The following CEP152 variants were observed in gnomAD, a reference collection of about 807,000 sequenced individuals.
CEP152 encodes the protein centrosomal protein of 152 kDa.
In CEP152, 132 loss-of-function variants were observed where a neutral mutation model predicts 188.9. That is an observed-to-expected ratio of 0.70 (90% CI 0.61 to 0.81). The LOEUF (loss-of-function observed/expected upper bound fraction) is 0.81, where lower values mean the gene tolerates loss of function less well. Ranked by LOEUF, CEP152 falls within the 30% of genes least tolerant of loss-of-function variation. The pLI is 0.00. For missense variants in CEP152, 1,914 were observed against 1,969.8 expected (o/e 0.97, Z 0.54); for synonymous variants, 649 against 666.6 (o/e 0.97, Z 0.41).
Position 48,791,243 on chromosome 15 carries a change from T to C in CEP152, c.966A>G (p.Glu322=). The C allele has an allele frequency of 6.2e-7, 1 of 1,611,608 alleles. No homozygotes were observed. Among genetic ancestry groups the C allele is most frequent in the Non-Finnish European group, 8.5e-7 (1 of 1,179,554 alleles). ...ETQIQALKVN[E]EQMIKKSRTT... ...CATAAGTTAAAATAGGTACCTGTTC[T>C]TCATTGACTTTTAATGCTTGTATCT... The change falls in exon 8 of 27, where the codon GAA becomes GAG. Residue 322 remains glutamate, a synonymous_variant. Coordinates refer to ENST00000380950, the MANE Select transcript of CEP152 (RefSeq NM_001194998.2).
At chr15:48,792,755 A>C (rs1344381241) in intron 7 of CEP152, among the ~76,000 whole-genome samples, 1 of 152,144 alleles carries the variant, frequency 6.6e-6, no homozygotes, top group African/African-American at 2.4e-5. Flanking sequence ...CAGTTAAATA[A>C]TGTTCAATGA....
At chr15:48,790,254 G>A (rs1309838469) in intron 8 of CEP152, among the ~76,000 whole-genome samples, 1 of 152,144 alleles carries the variant, frequency 6.6e-6, no homozygotes, top group Non-Finnish European at 1.5e-5. Context: ...TGACCAAACA[G>A]AAAAGGTCTA....
In CEP152 at chr15:48,762,459, T is replaced by C; in HGVS notation, c.2494A>G (p.Ile832Val). The C allele has an allele frequency of 1.9e-6, 3 of 1,613,956 alleles. No homozygotes were observed. The highest frequency in any genetic ancestry group is 2.5e-6 in the Non-Finnish European group (3 of 1,179,832). ...TCGAGTTTCTTCATAGCCCCCTTGATGGCTATGTCCTTCTCTTGTTCTAAG... is the reference window on the plus strand; with the variant it reads ...TCGAGTTTCTTCATAGCCCCCTTGACGGCTATGTCCTTCTCTTGTTCTAAG... ...QNLEQEKDIAIKGAMKKLEIE... is the reference protein window; with the variant it reads ...QNLEQEKDIAVKGAMKKLEIE... Residue 832 changes from isoleucine (I) to valine (V), a missense_variant, in exon 18 of 27, where the codon ATC becomes GTC. Coordinates refer to ENST00000380950, the MANE Select transcript of CEP152 (RefSeq NM_001194998.2).
At position 48,788,784 on chromosome 15, in the gene CEP152, T is replaced by C; in HGVS notation, c.1173+17A>G. 6.2e-7 allele frequency: 1 copy of C among 1,611,358 alleles called. No individual in the cohort carries two copies. Among genetic ancestry groups the C allele is most frequent in the Non-Finnish European group, 8.5e-7 (1 of 1,177,428 alleles). ...TTTACTTGTTGATAACAGTTGCTCA[T>C]TTGAAATCATCCCAACCTGTTCTTT... is the stretch of plus-strand genomic sequence containing the variant. On this transcript the variant is annotated intron_variant, in intron 9 of 26. Coordinates refer to ENST00000380950, the MANE Select transcript of CEP152 (RefSeq NM_001194998.2).
At chr15:48,804,349 A>G (rs1233250303) in intron 2 of CEP152, among the ~76,000 whole-genome samples, 1 of 152,212 alleles carries the variant, frequency 6.6e-6, no homozygotes, top group Non-Finnish European at 1.5e-5. Context: ...GTTTTCTATC[A>G]CTGCCTTAAT....
intron 2 of CEP152, among the ~76,000 whole-genome samples, chr15:48,804,124 C>T (rs1897835730): frequency 6.6e-6 from 1 of 152,218 alleles, no homozygotes. Context: ...GGGACTGTGG[C>T]CAGCTGGGGA....
intron 8 of CEP152, among the ~76,000 whole-genome samples, chr15:48,789,643 G>A (rs1028527151): frequency 1.3e-5 from 2 of 152,210 alleles, no homozygotes; most frequent in Non-Finnish European, 2.9e-5. Flanking sequence ...TGGGCCCAAT[G>A]TAACCACAGG....
At position 48,765,636 on chromosome 15, in the gene CEP152, A is replaced by ATTTTTTTTTTTTTTT. The variant is rs34837739; in HGVS notation, c.2280+1409_2280+1423dup. On this transcript the variant is annotated intron_variant, in intron 17 of 26. Coordinates refer to ENST00000380950, the MANE Select transcript of CEP152 (RefSeq NM_001194998.2). The stretch of plus-strand genomic sequence containing the variant: ...GAAAATTCCTCTTATGTTCTTGCCA[A>ATTTTTTTTTTTTTTT]TTTTTTTTTTTTTTTTTTTTTTTTT... 1.6e-4 allele frequency: 31 copies of ATTTTTTTTTTTTTTT among 189,474 alleles called. 3 individuals carry two copies. Among genetic ancestry groups the ATTTTTTTTTTTTTTT allele is most frequent in the Admixed American group, 6.8e-4 (6 of 8,846 alleles). The allele number at this position is 189,474 out of a possible 1,614,324, so 11.7% of individuals were successfully genotyped here.
intron 9 of CEP152, among the ~76,000 whole-genome samples, chr15:48,787,991 T>C (rs1896764823): frequency 6.6e-6 from 1 of 152,188 alleles, no homozygotes; most frequent in Non-Finnish European, 1.5e-5. Flanking sequence ...TTATAAATTA[T>C]ACTGTCCTCA....
rs1457700049 is a variant in CEP152, at chr15:48,797,463, A to G, written c.378T>C (p.Asp126=). 6.2e-7 allele frequency: 1 copy of G among 1,614,188 alleles called. No homozygotes were observed. Among genetic ancestry groups the G allele is most frequent in the Non-Finnish European group, 8.5e-7 (1 of 1,180,020 alleles). Residue 126 remains aspartate, a synonymous_variant, in exon 5 of 27, where the codon GAT becomes GAC. Transcript: ENST00000380950. The part of the protein sequence containing the change: ...HPVYHPEEGG[D]EGGSGYSPPS... ...GAGGACTATAACCACTTCCACCTTC[A>G]TCTCCACCTTCTTCAGGATGGTACA...
At chr15:48,764,808 A>C (rs2140732326) in intron 17 of CEP152, among the ~76,000 whole-genome samples, 1 of 152,258 alleles carries the variant, frequency 6.6e-6, no homozygotes, top group Admixed American at 6.5e-5. Flanking sequence ...CATGAAACAT[A>C]AAAAAACACC....
chr15:48,792,915 A>G (rs1897077388), intron 7 of CEP152, among the ~76,000 whole-genome samples: 1 of 151,698 alleles, frequency 6.6e-6, no homozygotes. Flanking sequence ...CTGCAGGTTC[A>G]GGTGATTCTC....
intron 15 of CEP152, 56 bp from the exon 16 acceptor site, chr15:48,767,519 G>C: frequency 6.2e-7 from 1 of 1,611,520 alleles, no homozygotes; most frequent in Non-Finnish European, 8.5e-7. Context: ...ACACCAAAAT[G>C]AATTGGTTTC....
chr15:48,789,717 T>C (rs1341724653), intron 8 of CEP152, among the ~76,000 whole-genome samples: 1 of 152,200 alleles, frequency 6.6e-6, no homozygotes, highest in Non-Finnish European at 1.5e-5. Context: ...CAGCCATTCA[T>C]TGCTGGCTTT....
At chr15:48,772,419 A>G (rs1397718612) in intron 13 of CEP152, 68 bp downstream of exon 13, 4 of 1,398,690 alleles carry the variant, frequency 2.9e-6, no homozygotes, top group Non-Finnish European at 4.0e-6. Flanking sequence ...TCAAAAAAAA[A>G]AAAGTGTAAA....
Position 48,738,865 on chromosome 15 carries a change from G to C in CEP152, c.4517C>G (p.Pro1506Arg), listed in dbSNP as rs774466090. 6.2e-7 allele frequency: 1 copy of C among 1,614,136 alleles called. No homozygotes were observed. The highest frequency in any genetic ancestry group is 1.1e-5 in the South Asian group (1 of 91,062). Residue 1506 changes from proline to arginine, a missense_variant, in exon 27 of 27, where the codon CCC becomes CGC. Transcript: ENST00000380950. ...YPFLGTLGNKPSPRCTPGPSE... is the reference protein window; with the variant it reads ...YPFLGTLGNKRSPRCTPGPSE... The stretch of plus-strand genomic sequence containing the variant: ...AGGACCAGGGGTACATCTAGGTGAG[G>C]GTTTATTTCCTAAGGTTCCAAGAAA...
chr15:48,784,261 T>G (rs1183583737), intron 9 of CEP152, 141 bp from the exon 10 acceptor site: 1 of 780,828 alleles, frequency 1.3e-6, no homozygotes, highest in Non-Finnish European at 2.0e-6. Flanking sequence ...CAAGGTAAAG[T>G]GCACAGAACT....
At chr15:48,766,202 G>A (rs915728580) in intron 17 of CEP152, among the ~76,000 whole-genome samples, 3 of 151,948 alleles carry the variant, frequency 2.0e-5, no homozygotes, top group Non-Finnish European at 2.9e-5. Flanking sequence ...TGAATTCCTC[G>A]CCTGCTCTTT....
intron 7 of CEP152, among the ~76,000 whole-genome samples, chr15:48,792,137 C>T (rs1229585990): frequency 2.0e-5 from 3 of 151,982 alleles, no homozygotes; most frequent in African/African-American, 7.3e-5. Flanking sequence ...GGACTACTGG[C>T]GCCACCACAC....
Sources: allele counts gnomAD v4.1 joint callset (sites outside exome capture counted in the v4.1 genomes callset), GRCh38; gene constraint gnomAD v4.1.1; transcripts MANE v1.5; gene names NCBI Gene and HGNC (gene_info 2026-07-23, HGNC 2026-07-21).